SORCS1: variants seen among roughly 807,000 people sequenced by gnomAD.
SORCS1 encodes the protein sortilin related VPS10 domain containing receptor 1.
Under a neutral mutation model 146.1 loss-of-function variants are expected in SORCS1, and 60 were observed. That is an observed-to-expected ratio of 0.41 (90% CI 0.33 to 0.51). SORCS1 has a LOEUF of 0.51. SORCS1 is among the 20% of genes least tolerant of loss of function. The probability of loss-of-function intolerance (pLI) is 0.21; values close to 1 mark genes in which losing one functional copy is unlikely to be tolerated. For missense variants in SORCS1, 1,352 were observed against 1,487.6 expected (o/e 0.91, Z 1.50); for synonymous variants, 637 against 584.0 (o/e 1.09, Z -1.31).
At chr10:106,967,059 C>T (rs1405139471) in intron 1 of SORCS1, among the ~76,000 whole-genome samples, 1 of 150,816 alleles carries the variant, frequency 6.6e-6, no homozygotes, top group Admixed American at 6.6e-5. Flanking sequence ...ATAGGGGACA[C>T]ATTTAACCTT....
rs575257399 is a variant in SORCS1 at position 106,626,058 on chromosome 10, T to A, written c.2662+3144A>T. Among the ~76,000 whole-genome samples the A allele has an allele frequency of 2.6e-5, 4 of 152,228 alleles. No individual in the cohort carries two copies. The South Asian group carries it at 8.3e-4, about 32-fold the overall frequency. On this transcript the variant is annotated intron_variant, in intron 19 of 25. Transcript: ENST00000263054. ...AGAAACACTATGCAGGAACATCGGC[T>A]CCATTTGTTTCAGATGACCTTTGCA... is the stretch of plus-strand genomic sequence containing the variant.
intron 1 of SORCS1, among the ~76,000 whole-genome samples, chr10:106,984,894 A>G (rs1364849246): frequency 6.6e-6 from 1 of 152,044 alleles, no homozygotes; most frequent in Non-Finnish European, 1.5e-5. Context: ...GTTGAAAAAT[A>G]TAGGGCAAGC....
chr10:106,604,350 T>C (rs943689904), intron 23 of SORCS1, among the ~76,000 whole-genome samples: 8 of 152,180 alleles, frequency 5.3e-5, no homozygotes, highest in Non-Finnish European at 1.0e-4. Flanking sequence ...TTGAAAACTA[T>C]GGGTCTCCAG....
At chr10:107,102,522 C>G (rs1031202181) in intron 1 of SORCS1, among the ~76,000 whole-genome samples, 1 of 152,156 alleles carries the variant, frequency 6.6e-6, no homozygotes, top group African/African-American at 2.4e-5. Flanking sequence ...TTTGGAGTTA[C>G]ATATAAAAAG....
the SORCS1 span, among the ~76,000 whole-genome samples, chr10:107,174,142 G>T: frequency 8.5e-5 from 13 of 152,096 alleles, no homozygotes; most frequent in Middle Eastern, 3.4e-3. Flanking sequence ...CATTTATTTT[G>T]ATCTTTAAAT....
chr10:106,650,135 T>C (rs1350424684), intron 18 of SORCS1, among the ~76,000 whole-genome samples: 2 of 152,236 alleles, frequency 1.3e-5, no homozygotes, highest in African/African-American at 4.8e-5. Context: ...ATGCCCAACA[T>C]TTTATATGAA....
At chr10:107,116,648 G>C (rs1317315094) in intron 1 of SORCS1, among the ~76,000 whole-genome samples, 1 of 152,084 alleles carries the variant, frequency 6.6e-6, no homozygotes, top group Non-Finnish European at 1.5e-5. Flanking sequence ...GGGACTAGGG[G>C]ATGCAAGAAA....
At chr10:106,836,910 G>T (rs1274706521) in intron 2 of SORCS1, among the ~76,000 whole-genome samples, 1 of 152,138 alleles carries the variant, frequency 6.6e-6, no homozygotes, top group East Asian at 1.9e-4. Flanking sequence ...AGATATCTCA[G>T]TCTAATAGAA....
At chr10:107,078,617 A>C (rs1268024972) in intron 1 of SORCS1, among the ~76,000 whole-genome samples, 1 of 151,972 alleles carries the variant, frequency 6.6e-6, no homozygotes, top group Non-Finnish European at 1.5e-5. Flanking sequence ...TCTTCTTTTC[A>C]TTTTTCTCCC....
chr10:106,814,303 C>G (rs905164950), intron 3 of SORCS1, among the ~76,000 whole-genome samples: 2 of 152,116 alleles, frequency 1.3e-5, no homozygotes, highest in African/African-American at 2.4e-5. Context: ...TTATATAATT[C>G]GTATTTAAAA....
intron 4 of SORCS1, among the ~76,000 whole-genome samples, 176 bp downstream of exon 4, chr10:106,776,358 G>T (rs1379761049): frequency 6.6e-6 from 1 of 152,168 alleles, no homozygotes; most frequent in Non-Finnish European, 1.5e-5. Flanking sequence ...ATATTTACAT[G>T]ATTTAAACAA....
At chr10:106,832,906 C>G (rs574168038) in intron 2 of SORCS1, among the ~76,000 whole-genome samples, 2 of 151,912 alleles carry the variant, frequency 1.3e-5, no homozygotes, top group South Asian at 2.1e-4. Context: ...CTGAGCTACT[C>G]GATGAAGATT....
At chr10:106,806,776 G>C (rs1448569409) in intron 3 of SORCS1, among the ~76,000 whole-genome samples, 1 of 151,756 alleles carries the variant, frequency 6.6e-6, no homozygotes, top group African/African-American at 2.4e-5. Flanking sequence ...TGGCCTCCTG[G>C]AGTGCTGGGA....
At chr10:106,619,769 T>C (rs1181131851) in intron 20 of SORCS1, among the ~76,000 whole-genome samples, 1 of 152,164 alleles carries the variant, frequency 6.6e-6, no homozygotes, top group Non-Finnish European at 1.5e-5. Context: ...ATGTGCAAAA[T>C]GAAAGACTTA....
intron 4 of SORCS1, among the ~76,000 whole-genome samples, chr10:106,769,348 G>C (rs931859606): frequency 6.6e-6 from 1 of 152,174 alleles, no homozygotes; most frequent in African/African-American, 2.4e-5. Flanking sequence ...AGCCGGGCGT[G>C]GGGGCGGGTG....
At chr10:106,614,302 C>T (rs184097691) in intron 21 of SORCS1, among the ~76,000 whole-genome samples, 6 of 152,242 alleles carry the variant, frequency 3.9e-5, no homozygotes, top group Non-Finnish European at 8.8e-5. Flanking sequence ...AGGGTCCAAG[C>T]GACATTGGGG....
chr10:106,663,256 A>G (rs1850874441), intron 17 of SORCS1, among the ~76,000 whole-genome samples: 1 of 152,188 alleles, frequency 6.6e-6, no homozygotes, highest in Non-Finnish European at 1.5e-5. Context: ...ATATTTTTGA[A>G]TGAAAAAGGA....
chr10:106,989,603 TCATTTATATA>T (rs1418590360), intron 1 of SORCS1, among the ~76,000 whole-genome samples: 8 of 151,772 alleles, frequency 5.3e-5, no homozygotes, highest in African/African-American at 1.7e-4. Flanking sequence ...CTGTGTCCCT[TCATTTATATA>T]CATTTATATA....
intron 1 of SORCS1, among the ~76,000 whole-genome samples, chr10:107,042,611 A>ATT (rs35015031): frequency 0.17 from 24,529 of 143,638 alleles, 2,278 homozygotes; most frequent in South Asian, 0.2. Flanking sequence ...GAAGTGAACT[A>ATT]TTTTTTTTTT....
Sources: gnomAD v4.1 joint callset for allele counts (sites outside exome capture counted in the v4.1 genomes callset) on GRCh38, gnomAD v4.1.1 for gene constraint, MANE v1.5 for transcripts, NCBI Gene and HGNC (gene_info 2026-07-23, HGNC 2026-07-21) for gene names.